The following ZNF761 variants were observed in gnomAD, a reference collection of about 807,000 sequenced individuals.
ZNF761 encodes the protein zinc finger protein 761.
Under a neutral mutation model 59.9 loss-of-function variants are expected in ZNF761, and 43 were observed. That is an observed-to-expected ratio of 0.72 (90% confidence interval 0.56 to 0.92). The LOEUF (loss-of-function observed/expected upper bound fraction) is 0.92. Among genes scored for constraint, ZNF761 ranks in the 40% least tolerant of loss-of-function variants. ZNF761 has a pLI of 0.00. For missense variants in ZNF761, 850 were observed against 906.1 expected (o/e 0.94, Z 0.79); for synonymous variants, 294 against 304.8 (o/e 0.96, Z 0.37).
At chr19:53,450,220 A>G (rs11670382) in intron 4 of ZNF761, 14,883 of 178,568 alleles carry the variant, frequency 0.083, 659 homozygotes, top group Middle Eastern at 0.1. Context: ...GGAGGATCAC[A>G]TGAACCTGGG....
intron 1 of ZNF761, among the ~76,000 whole-genome samples, chr19:53,444,842 C>A (rs1256708644): frequency 6.6e-6 from 1 of 151,756 alleles, no homozygotes; most frequent in Non-Finnish European, 1.5e-5. Flanking sequence ...GTTCCAAAGA[C>A]CACAAGGGGT....
In ZNF761 at chr19:53,454,920, A is replaced by G. The variant is rs753853741; in HGVS notation, c.413A>G (p.Asp138Gly). The change falls in exon 5 of 5, where the codon GAT becomes GGT. Residue 138 changes from aspartate (D) to glycine (G), a missense_variant. Coordinates refer to ENST00000684525, the MANE Select transcript of ZNF761 (RefSeq NM_001289951.2). The stretch of plus-strand genomic sequence containing the variant: ...CATGCTAGAAACAAGCCTATTAAAG[A>G]TCAGCTTGGATCAAGCTTTCATTCG... Reference protein sequence around the residue: ...QSHARNKPIKDQLGSSFHSHL... With the variant: ...QSHARNKPIKGQLGSSFHSHL... 6.2e-7 allele frequency: 1 copy of G among 1,614,194 alleles called. No individual in the cohort carries two copies. The highest frequency in any genetic ancestry group is 2.2e-5 in the East Asian group (1 of 44,876).
At chr19:53,450,697 T>C (rs2086214120) in intron 4 of ZNF761, among the ~76,000 whole-genome samples, 2 of 152,026 alleles carry the variant, frequency 1.3e-5, no homozygotes, top group African/African-American at 4.8e-5. Context: ...CAGCTCCGCC[T>C]CTCGGGTTCA....
chr19:53,447,602 T>C (rs187850858), intron 3 of ZNF761, among the ~76,000 whole-genome samples: 21 of 152,314 alleles, frequency 1.4e-4, no homozygotes, highest in Admixed American at 7.8e-4. Flanking sequence ...CTGGACGTAC[T>C]GTCAGCTCTC....
chr19:53,432,385 C>G (rs1012752695), intron 1 of ZNF761, among the ~76,000 whole-genome samples: 8 of 152,270 alleles, frequency 5.3e-5, no homozygotes, highest in African/African-American at 1.7e-4. Context: ...CTGCCCCAGT[C>G]CCGGAAAGGC....
intron 1 of ZNF761, among the ~76,000 whole-genome samples, chr19:53,440,774 C>T (rs2086090923): frequency 6.6e-6 from 1 of 152,162 alleles, no homozygotes; most frequent in Non-Finnish European, 1.5e-5. Flanking sequence ...CTCCTGGGCT[C>T]AAACCATCCT....
At chr19:53,439,241 A>T (rs374006979) in intron 1 of ZNF761, among the ~76,000 whole-genome samples, 46 of 147,024 alleles carry the variant, frequency 3.1e-4, no homozygotes, top group African/African-American at 1.1e-3. Context: ...ACTACACTCT[A>T]GCCTTGGTGA....
intron 1 of ZNF761, among the ~76,000 whole-genome samples, chr19:53,436,417 C>T (rs1318686360): frequency 1.3e-5 from 2 of 152,106 alleles, no homozygotes; most frequent in African/African-American, 4.8e-5. Context: ...TGGAGATCAC[C>T]TTTAATTTGA....
intron 3 of ZNF761, 92 bp downstream of exon 3, chr19:53,447,375 C>G (rs2086171983): frequency 6.5e-7 from 1 of 1,543,218 alleles, no homozygotes; most frequent in Non-Finnish European, 8.9e-7. Context: ...TCTGAAGCAT[C>G]CTGCCTGACA....
In ZNF761 at chr19:53,433,285, G is replaced by A. The variant is rs568472873; in HGVS notation, c.-185+1257G>A. Among the ~76,000 whole-genome samples, 73 of 152,194 alleles carry A rather than the reference G, an allele frequency of 4.8e-4. No homozygotes were observed. In the Middle Eastern group the frequency reaches 0.024, roughly 50 times the overall value. The stretch of plus-strand genomic sequence containing the variant: ...AGTTAATCATATAATGATAGGTCAT[G>A]TAATCTATAGCATAGCATAACTTGT... On this transcript the variant is annotated intron_variant, in intron 1 of 4. Coordinates refer to ENST00000684525, the MANE Select transcript of ZNF761 (RefSeq NM_001289951.2).
chr19:53,435,796 G>A (rs2086035975), intron 1 of ZNF761, among the ~76,000 whole-genome samples: 1 of 152,084 alleles, frequency 6.6e-6, no homozygotes, highest in Admixed American at 6.5e-5. Flanking sequence ...ATCCAGCAAG[G>A]ACAGAAGAGG....
At position 53,456,358 on chromosome 19, in the gene ZNF761, G is replaced by T. The variant is rs759886478; in HGVS notation, c.1851G>T (p.Arg617=). ...ATGAGTGTGGCAAGACCTTCAGTCG[G>T]ACGTCATCCCTTACATGCCATCGTA... ...KCNECGKTFS[R]TSSLTCHRRL... The change falls in exon 5 of 5, where the codon CGG becomes CGT. Residue 617 remains arginine, a synonymous_variant. Coordinates refer to ENST00000684525, the MANE Select transcript of ZNF761 (RefSeq NM_001289951.2). The T allele has an allele frequency of 6.2e-7, 1 of 1,613,788 alleles. No individual in the cohort carries two copies.
chr19:53,451,407 C>T (rs970987052), intron 4 of ZNF761, among the ~76,000 whole-genome samples: 2 of 152,038 alleles, frequency 1.3e-5, no homozygotes, highest in Non-Finnish European at 2.9e-5. Flanking sequence ...CAGGCTTTCT[C>T]CTTTTTGGTT....
chr19:53,450,175 G>GGC (rs754211564), intron 4 of ZNF761: 43,295 of 205,474 alleles, frequency 0.21, 4,799 homozygotes, highest in Middle Eastern at 0.25. Flanking sequence ...TGGTGGCATG[G>GGC]GCCTGTAATC....
intron 1 of ZNF761, among the ~76,000 whole-genome samples, chr19:53,434,781 C>T (rs2086019744): frequency 6.6e-6 from 1 of 152,094 alleles, no homozygotes; most frequent in African/African-American, 2.4e-5. Context: ...CTTCTTAAGG[C>T]CATTGGTCTA....
intron 3 of ZNF761, 66 bp downstream of exon 3, chr19:53,447,349 G>C: frequency 6.3e-7 from 1 of 1,595,866 alleles, no homozygotes; most frequent in Non-Finnish European, 8.6e-7. Flanking sequence ...CCTTGGAGTT[G>C]GGAATCTTCT....
intron 1 of ZNF761, among the ~76,000 whole-genome samples, chr19:53,432,650 G>T (rs2085984681): frequency 6.6e-6 from 1 of 152,174 alleles, no homozygotes; most frequent in Non-Finnish European, 1.5e-5. Flanking sequence ...AAACCCTCCT[G>T]TGACTGTGTG....
chr19:53,438,490 C>G (rs953159780), intron 1 of ZNF761, among the ~76,000 whole-genome samples: 24 of 152,182 alleles, frequency 1.6e-4, no homozygotes, highest in African/African-American at 5.8e-4. Flanking sequence ...AGTTATGTCT[C>G]ATAGTCTTAA....
At chr19:53,448,495 C>G (rs2086184749) in intron 3 of ZNF761, among the ~76,000 whole-genome samples, 1 of 152,206 alleles carries the variant, frequency 6.6e-6, no homozygotes, top group Non-Finnish European at 1.5e-5. Context: ...TGCCAGGTGT[C>G]AGAGCAAGTC....
Sources: allele counts gnomAD v4.1 joint callset (sites outside exome capture counted in the v4.1 genomes callset), GRCh38; gene constraint gnomAD v4.1.1; transcripts MANE v1.5; gene names NCBI Gene and HGNC (gene_info 2026-07-23, HGNC 2026-07-21).